Variants in CALN1 observed in about 807,000 individuals in gnomAD.
CALN1 encodes the protein calcium-binding protein 8.
Under a neutral mutation model 30.6 loss-of-function variants are expected in CALN1, and 17 were observed. The ratio of observed to expected loss-of-function variants is 0.56; its 90% confidence interval spans 0.38 to 0.83. The LOEUF is 0.83. Ranked by LOEUF, CALN1 falls within the 40% of genes least tolerant of loss-of-function variation. The pLI is 0.00. For missense variants in CALN1, 291 were observed against 354.9 expected (o/e 0.82, Z 1.45); for synonymous variants, 156 against 131.4 (o/e 1.19, Z -1.28).
chr7:72,289,441 T>C (rs1460719257), intron 2 of CALN1, among the ~76,000 whole-genome samples: 1 of 152,202 alleles, frequency 6.6e-6, no homozygotes, highest in East Asian at 1.9e-4. Flanking sequence ...AAATTTGCAA[T>C]ATAGACATGA....
At chr7:72,474,836 T>A in the CALN1 span, among the ~76,000 whole-genome samples, 1 of 152,196 alleles carries the variant, frequency 6.6e-6, no homozygotes, top group Non-Finnish European at 1.5e-5. Flanking sequence ...CACGTGGGGC[T>A]GTGCAGTCCC....
chr7:72,399,742 G>A (rs940979245), intron 2 of CALN1, among the ~76,000 whole-genome samples: 14 of 152,116 alleles, frequency 9.2e-5, no homozygotes, highest in South Asian at 2.1e-4. Flanking sequence ...GGAACTGGAG[G>A]GATATAGCTT....
At chr7:72,289,052 A>T (rs1389460594) in intron 2 of CALN1, among the ~76,000 whole-genome samples, 1 of 152,194 alleles carries the variant, frequency 6.6e-6, no homozygotes, top group Admixed American at 6.6e-5. Flanking sequence ...TTTCAACTTC[A>T]TTTGAATTAT....
chr7:72,215,735 G>A (rs933231593), intron 3 of CALN1, among the ~76,000 whole-genome samples: 1 of 152,126 alleles, frequency 6.6e-6, no homozygotes. Flanking sequence ...AGCTGTGGAT[G>A]GACCCAGCTA....
intron 3 of CALN1, among the ~76,000 whole-genome samples, chr7:72,106,624 GAAA>G (rs1157780896): frequency 7.1e-6 from 1 of 141,324 alleles, no homozygotes; most frequent in African/African-American, 2.6e-5. Context: ...GGAAAAAAGA[GAAA>G]GAAGAAAGGA....
rs80059644 is a variant in CALN1, at chr7:72,222,256, A to G, written c.244+56430T>C. On this transcript the variant is annotated intron_variant, in intron 3 of 6. Coordinates refer to ENST00000395275, the MANE Select transcript of CALN1 (RefSeq NM_031468.4). ...AAGAAAAAAAAAAAGAAAGAAAGAA[A>G]AAAGGAAAGAAGGTTTAATTGGCTG... Among the ~76,000 whole-genome samples, 210 of 152,238 alleles carry G rather than the reference A, an allele frequency of 1.4e-3. 1 individual carries two copies. The highest frequency in any genetic ancestry group is 4.8e-3 in the African/African-American group (200 of 41,572).
intron 2 of CALN1, among the ~76,000 whole-genome samples, chr7:72,346,474 CAT>C (rs748864146): frequency 6.6e-6 from 1 of 152,116 alleles, no homozygotes; most frequent in African/African-American, 2.4e-5. Context: ...CTGATTCTCC[CAT>C]ATATAATTTT....
intron 6 of CALN1, among the ~76,000 whole-genome samples, chr7:71,791,889 C>T (rs1400047183): frequency 7.9e-5 from 12 of 152,130 alleles, no homozygotes; most frequent in African/African-American, 2.6e-4. Context: ...CGGGCGCCTG[C>T]AGTCCCAGCT....
intron 2 of CALN1, among the ~76,000 whole-genome samples, chr7:72,385,901 T>G (rs1369655646): frequency 6.6e-6 from 1 of 152,210 alleles, no homozygotes; most frequent in Non-Finnish European, 1.5e-5. Context: ...CCTTTTTTAT[T>G]TATACATTAC....
chr7:72,119,437 A>G (rs758819481), intron 3 of CALN1, among the ~76,000 whole-genome samples: 20 of 152,126 alleles, frequency 1.3e-4, no homozygotes, highest in African/African-American at 2.2e-4. Context: ...GGTCCCTCCC[A>G]TAACACATTG....
the CALN1 span, among the ~76,000 whole-genome samples, chr7:72,474,160 T>C: frequency 6.6e-6 from 1 of 152,086 alleles, no homozygotes; most frequent in African/African-American, 2.4e-5. Flanking sequence ...CAAGTTAACA[T>C]GTAACTCCGC....
intron 4 of CALN1, among the ~76,000 whole-genome samples, chr7:72,035,154 G>A (rs1801717335): frequency 6.6e-6 from 1 of 151,938 alleles, no homozygotes; most frequent in African/African-American, 2.4e-5. Context: ...CCATTTTTAG[G>A]TGTGCAGGTC....
At chr7:72,103,132 T>G (rs1806811885) in intron 4 of CALN1, 1 of 140,138 alleles carries the variant, frequency 7.1e-6, no homozygotes, top group African/African-American at 2.7e-5. Context: ...GCAATGAAAA[T>G]GTTCTAAAAT....
chr7:72,331,284 A>G (rs530643376), intron 2 of CALN1, among the ~76,000 whole-genome samples: 7 of 152,268 alleles, frequency 4.6e-5, no homozygotes, highest in African/African-American at 1.7e-4. Context: ...CAGGAGGCAG[A>G]AGTTGCAGTG....
the CALN1 span, among the ~76,000 whole-genome samples, chr7:72,499,313 G>A: frequency 1.2e-4 from 18 of 152,148 alleles, no homozygotes; most frequent in Non-Finnish European, 4.4e-5. Context: ...TTACAGGCAT[G>A]AGCCACTATG....
chr7:72,500,269 CTTTTTTTTTTTTTTTT>C, the CALN1 span, among the ~76,000 whole-genome samples: 4 of 51,364 alleles, frequency 7.8e-5, no homozygotes, highest in Non-Finnish European at 1.0e-4. Context: ...TTCGTTCCTT[CTTTTTTTTTTTTTTTT>C]TTTTTTTTTT....
At chr7:71,987,891 C>T (rs1286482780) in intron 5 of CALN1, among the ~76,000 whole-genome samples, 1 of 152,050 alleles carries the variant, frequency 6.6e-6, no homozygotes, top group Non-Finnish European at 1.5e-5. Context: ...GGTGACTGCA[C>T]AGTGCAGGAC....
chr7:72,481,692 C>G, the CALN1 span, among the ~76,000 whole-genome samples: 2 of 152,096 alleles, frequency 1.3e-5, no homozygotes, highest in African/African-American at 4.8e-5. Flanking sequence ...GCTAATTTCA[C>G]TTTTGATTTC....
rs781010555 is a variant in CALN1 at position 71,782,474 on chromosome 7, C to T, written c.*5301G>A. 2 of 152,222 alleles carry T rather than the reference C, an allele frequency of 1.3e-5. No individual in the cohort carries two copies. The highest frequency in any genetic ancestry group is 2.9e-5 in the Non-Finnish European group (2 of 68,090). 9.4% of individuals were successfully genotyped at this position (152,222 alleles called of 1,614,324 possible). ...CCTGCAGAACTGCGAGCCAAATAAACCTCTTTTCTTTATAAATTACCCAGT... is the reference window on the plus strand; with the variant it reads ...CCTGCAGAACTGCGAGCCAAATAAATCTCTTTTCTTTATAAATTACCCAGT... On this transcript the variant is annotated 3_prime_UTR_variant, in exon 7 of 7. Coordinates refer to ENST00000395275, the MANE Select transcript of CALN1 (RefSeq NM_031468.4).
Sources: allele counts gnomAD v4.1 joint callset (sites outside exome capture counted in the v4.1 genomes callset), GRCh38; gene constraint gnomAD v4.1.1; transcripts MANE v1.5; gene names NCBI Gene and HGNC (gene_info 2026-07-23, HGNC 2026-07-21).